Variants in NFATC2 observed in about 807,000 individuals in gnomAD.
NFATC2 encodes the protein nuclear factor of activated T-cells, cytoplasmic 2.
Under a neutral mutation model 87.3 loss-of-function variants are expected in NFATC2, and 22 were observed. The observed-to-expected ratio is 0.25, with a 90% CI of 0.18 to 0.36. The LOEUF is 0.36. NFATC2 is among the 10% of genes least tolerant of loss of function. The pLI, the probability that NFATC2 is intolerant of heterozygous loss-of-function variation, is 1.00. For synonymous variants in NFATC2, 565 were observed against 542.2 expected, an observed-to-expected ratio of 1.04 and a Z score of -0.58; for missense variants, 1,149 against 1,259.1, an observed-to-expected ratio of 0.91 and a Z score of 1.32.
chr20:51,485,550 G>T (rs1056088077), intron 3 of NFATC2, among the ~76,000 whole-genome samples: 1 of 151,108 alleles, frequency 6.6e-6, no homozygotes. Context: ...TTTTTAAGAA[G>T]CCATACAAGT....
chr20:51,522,572 T>C (rs2076464869), intron 2 of NFATC2, among the ~76,000 whole-genome samples: 1 of 121,984 alleles, frequency 8.2e-6, no homozygotes, highest in South Asian at 2.8e-4. Flanking sequence ...CTCACATATT[T>C]CTTTTTTTTT....
intron 3 of NFATC2, among the ~76,000 whole-genome samples, chr20:51,487,568 C>T (rs1364861678): frequency 6.6e-6 from 1 of 152,198 alleles, no homozygotes; most frequent in Admixed American, 6.5e-5. Context: ...CCAGAGACAT[C>T]TGGATGAGCC....
At chr20:51,532,688 G>A (rs112493931) in intron 1 of NFATC2, among the ~76,000 whole-genome samples, 6 of 152,208 alleles carry the variant, frequency 3.9e-5, no homozygotes, top group African/African-American at 7.2e-5. Flanking sequence ...GCGCCAACCC[G>A]CCAGCCAACA....
intron 1 of NFATC2, among the ~76,000 whole-genome samples, chr20:51,536,278 G>A (rs12481459): frequency 0.078 from 11,914 of 152,158 alleles, 746 homozygotes; most frequent in Admixed American, 0.21. Context: ...AGCTCCATAC[G>A]GTGTCCTGCT....
chr20:51,547,968 G>A (rs1174080497), intron 1 of NFATC2, among the ~76,000 whole-genome samples: 2 of 152,004 alleles, frequency 1.3e-5, no homozygotes, highest in African/African-American at 4.8e-5. Context: ...CCCCTATGTG[G>A]AGCAACCAGA....
intron 1 of NFATC2, among the ~76,000 whole-genome samples, chr20:51,558,201 G>T (rs961471528): frequency 1.3e-5 from 2 of 152,126 alleles, no homozygotes; most frequent in African/African-American, 4.8e-5. Context: ...AGTTAGCCAG[G>T]TATGGTGGTG....
At chr20:51,423,195 C>G (rs1443671871) in intron 9 of NFATC2, among the ~76,000 whole-genome samples, 1 of 142,696 alleles carries the variant, frequency 7.0e-6, no homozygotes, top group African/African-American at 2.7e-5. Flanking sequence ...AAGACTGAGG[C>G]AGGCAGATTG....
At chr20:51,539,661 T>A (rs911960038) in intron 1 of NFATC2, among the ~76,000 whole-genome samples, 1 of 152,034 alleles carries the variant, frequency 6.6e-6, no homozygotes, top group Non-Finnish European at 1.5e-5. Flanking sequence ...AGGCTAATTG[T>A]TTTATTTTTT....
At chr20:51,556,345 C>A (rs1482996739) in intron 1 of NFATC2, among the ~76,000 whole-genome samples, 2 of 152,168 alleles carry the variant, frequency 1.3e-5, no homozygotes, top group African/African-American at 4.8e-5. Context: ...ACCCACTCAC[C>A]AGACACACAC....
rs1200539550 is a variant in NFATC2 at position 51,511,669 on chromosome 20, A to T, written c.1332+5115T>A. 2.0e-5 allele frequency among the ~76,000 whole-genome samples: 3 copies of T among 152,288 alleles called. No homozygotes were observed. The East Asian group carries it at 5.8e-4, about 29-fold the overall frequency. On this transcript the variant is annotated intron_variant, in intron 3 of 10. Transcript: ENST00000371564. ...ATACCTAAGTCCTGAAGATCACATTATAGAGTCCATAGCTTCCGCTCCCAC... is the reference window on the plus strand; with the variant it reads ...ATACCTAAGTCCTGAAGATCACATTTTAGAGTCCATAGCTTCCGCTCCCAC...
At chr20:51,456,076 A>ATGGG (rs1986498843) in intron 5 of NFATC2, among the ~76,000 whole-genome samples, 1 of 50,094 alleles carries the variant, frequency 2.0e-5, no homozygotes. Context: ...GGGTGGATGG[A>ATGGG]TGGGTGGAAG....
At chr20:51,404,124 C>T (rs886579371) in intron 9 of NFATC2, among the ~76,000 whole-genome samples, 2 of 152,176 alleles carry the variant, frequency 1.3e-5, no homozygotes, top group African/African-American at 4.8e-5. Context: ...TCCTCTGCAT[C>T]TGAATCCTGC....
intron 6 of NFATC2, among the ~76,000 whole-genome samples, chr20:51,447,497 A>G (rs544022086): frequency 9.3e-4 from 141 of 152,368 alleles, no homozygotes; most frequent in Non-Finnish European, 1.5e-3. Context: ...TGTCATGTGA[A>G]GGAACCTTCC....
intron 5 of NFATC2, among the ~76,000 whole-genome samples, chr20:51,460,268 G>C (rs890109858): frequency 1.3e-5 from 2 of 152,188 alleles, no homozygotes; most frequent in African/African-American, 4.8e-5. Flanking sequence ...CTTCAGTGAA[G>C]GGCAGCACGT....
intron 3 of NFATC2, among the ~76,000 whole-genome samples, chr20:51,476,516 T>C (rs1024233273): frequency 1.3e-5 from 2 of 152,120 alleles, no homozygotes; most frequent in African/African-American, 4.8e-5. Context: ...CTAATCCCAA[T>C]GGCTTTCCCT....
Position 51,474,148 on chromosome 20 carries a change from C to T in NFATC2, c.1540G>A (p.Asp514Asn), listed in dbSNP as rs760805900. The T allele has an allele frequency of 1.2e-6, 2 of 1,614,018 alleles. No individual in the cohort carries two copies. Among genetic ancestry groups the T allele is most frequent in the South Asian group, 1.1e-5 (1 of 91,054 alleles). Residue 514 changes from aspartate (D) to asparagine (N), a missense_variant, in exon 5 of 11, where the codon GAC (aspartate) becomes AAC (asparagine). Asp to Asn is a conservative substitution (Grantham distance 23). This residue lies in a region of NFATC2 where 581 missense variants were observed against 649.7 expected (regional missense o/e 0.89). Transcript: ENST00000371564. ...EPKNNMRATIDCAGILKLRNA... is the reference protein window; with the variant it reads ...EPKNNMRATINCAGILKLRNA... ...CTAAGCTTCAAGATCCCCGCACAGT[C>T]GATGCTGCCAGGATGTTAAGAACCC... is the stretch of plus-strand genomic sequence containing the variant.
intron 9 of NFATC2, among the ~76,000 whole-genome samples, chr20:51,408,642 A>C (rs780999993): frequency 6.6e-6 from 1 of 152,198 alleles, no homozygotes; most frequent in Non-Finnish European, 1.5e-5. Context: ...ATACAAAAAA[A>C]CAGTGAAATT....
At chr20:51,398,758 G>T in intron 9 of NFATC2, 28 bp from the exon 10 acceptor site, 1 of 1,476,478 alleles carries the variant, frequency 6.8e-7, no homozygotes, top group Non-Finnish European at 9.3e-7. Flanking sequence ...AATCATTTTT[G>T]AGAAGAAAAA....
At chr20:51,459,615 G>A (rs1986931125) in intron 5 of NFATC2, among the ~76,000 whole-genome samples, 3 of 152,006 alleles carry the variant, frequency 2.0e-5, no homozygotes, top group Non-Finnish European at 4.4e-5. Context: ...CAGTGGCTCA[G>A]GCCTGTAATC....
Sources: allele counts gnomAD v4.1 joint callset (sites outside exome capture counted in the v4.1 genomes callset), GRCh38; gene constraint gnomAD v4.1.1; regional missense constraint gnomAD v4.1.1; transcripts MANE v1.5; gene names NCBI Gene and HGNC (gene_info 2026-07-23, HGNC 2026-07-21).